Variants in CDPF1 observed in about 807,000 individuals in gnomAD.
The protein encoded by CDPF1 is cysteine-rich DPF motif domain-containing protein 1.
A neutral mutation model predicts 8.3 loss-of-function variants in CDPF1; 8 were observed. The observed-to-expected ratio is 0.96, with a 90% confidence interval of 0.57 to 1.74. The LOEUF (loss-of-function observed/expected upper bound fraction) is 1.74. Among genes scored for constraint, CDPF1 ranks in the 40% most tolerant of loss-of-function variants. The pLI, the probability that CDPF1 is intolerant of heterozygous loss-of-function variation, is 0.00. For synonymous variants in CDPF1, 62 were observed against 62.9 expected, an observed-to-expected ratio of 0.99 and a Z score of 0.07; for missense variants, 151 against 155.3, an observed-to-expected ratio of 0.97 and a Z score of 0.15.
Position 46,248,295 on chromosome 22 carries a change from A to T in CDPF1, c.1-11T>A. On this transcript the variant is annotated splice_polypyrimidine_tract_variant and intron_variant, in intron 1 of 3. Transcript: ENST00000314567. The surrounding 1 kb of genome is among the most constrained non-coding windows in gnomAD (Gnocchi z 4.1). The stretch of plus-strand genomic sequence containing the variant: ...TACATGGGACGCCATCTGCAAGATC[A>T]AGAGATGGGGTGTCCCTGGGTCACA... The T allele has an allele frequency of 6.4e-7, 1 of 1,566,670 alleles. No individual in the cohort carries two copies. Among genetic ancestry groups the T allele is most frequent in the South Asian group, 1.1e-5 (1 of 89,566 alleles).
chr22:46,245,308 G>A lies in CDPF1; in HGVS notation c.226-70C>T. On this transcript the variant is annotated intron_variant, in intron 3 of 3. Transcript: ENST00000314567. This position sits in a 1 kb window ranked among gnomAD's most constrained non-coding sequence, Gnocchi z 6.9. ...ATGGTGCAGCTCCTCCCAGGGGCCA[G>A]CCCTTCCCACACTTGGGGGGCTGGG... The A allele has an allele frequency of 6.4e-7, 1 of 1,555,386 alleles. No homozygotes were observed. The highest frequency in any genetic ancestry group is 1.4e-5 in the African/African-American group (1 of 73,660).
In CDPF1 at chr22:46,244,967, T is replaced by A; in HGVS notation, c.*125A>T. The A allele has an allele frequency of 4.7e-6, 6 of 1,266,762 alleles. No individual in the cohort carries two copies. The highest frequency in any genetic ancestry group is 6.6e-6 in the Non-Finnish European group (6 of 910,806). 78.5% of individuals were successfully genotyped at this position (1,266,762 alleles called of 1,614,324 possible). The stretch of plus-strand genomic sequence containing the variant: ...GGACTCCAGCTCCCCTGGGCTGCAG[T>A]GCTGCTCCCAGTGGTCCAGAAACAA... On this transcript the variant is annotated 3_prime_UTR_variant, in exon 4 of 4. Transcript: ENST00000314567. This position sits in a 1 kb window ranked among gnomAD's most constrained non-coding sequence, Gnocchi z 6.7.
rs899066590 is a variant in CDPF1 at position 46,247,565 on chromosome 22, C to T, written c.114-344G>A. On this transcript the variant is annotated intron_variant, in intron 2 of 3. Coordinates refer to ENST00000314567, the MANE Select transcript of CDPF1 (RefSeq NM_207327.5). This position sits in a 1 kb window ranked among gnomAD's most constrained non-coding sequence, Gnocchi z 4.3. ...GGGGCACAAGGCTGCCACCTGAATA[C>T]CCCAGGCCTCCCTACACCCCAAGCC... 3.3e-5 allele frequency among the ~76,000 whole-genome samples: 5 copies of T among 152,148 alleles called. No individual in the cohort carries two copies. Among genetic ancestry groups the T allele is most frequent in the South Asian group, 2.1e-4 (1 of 4,802 alleles).
In CDPF1 at chr22:46,247,108, A is replaced by C. The variant is rs773547172; in HGVS notation, c.225+2T>G. 6.2e-7 allele frequency: 1 copy of C among 1,610,830 alleles called. No homozygotes were observed. Among genetic ancestry groups the C allele is most frequent in the African/African-American group, 1.3e-5 (1 of 74,824 alleles). On this transcript the variant is annotated splice_donor_variant, in intron 3 of 3. Coordinates refer to ENST00000314567, the MANE Select transcript of CDPF1 (RefSeq NM_207327.5). LOFTEE classifies it high-confidence loss of function. The surrounding 1 kb of genome is among the most constrained non-coding windows in gnomAD (Gnocchi z 4.3). The stretch of plus-strand genomic sequence containing the variant: ...TGGCCCCAGCCCACGCTGCTTACCC[A>C]CCGGGCCCACACACACCAGCCTGCT...
At position 46,249,773 on chromosome 22, in the gene CDPF1, G is replaced by C. The variant is rs970410046; in HGVS notation, c.-1+483C>G. Among the ~76,000 whole-genome samples, 1 of 149,484 alleles carries C rather than the reference G, an allele frequency of 6.7e-6. No homozygotes were observed. Among genetic ancestry groups the C allele is most frequent in the Non-Finnish European group, 1.5e-5 (1 of 67,312 alleles). On this transcript the variant is annotated intron_variant, in intron 1 of 3. Coordinates refer to ENST00000314567, the MANE Select transcript of CDPF1 (RefSeq NM_207327.5). This position sits in a 1 kb window ranked among gnomAD's most constrained non-coding sequence, Gnocchi z 4.6. The stretch of plus-strand genomic sequence containing the variant: ...CGCTTGAGCGGGGGGTTGGGGAGCG[G>C]GGGCTGGGGGGGCGGAGGTTGCGGT...
rs1255454248 is a variant in CDPF1 at position 46,249,455 on chromosome 22, C to G, written c.-1+801G>C. Among the ~76,000 whole-genome samples, 1 of 152,076 alleles carries G rather than the reference C, an allele frequency of 6.6e-6. No homozygotes were observed. The highest frequency in any genetic ancestry group is 1.5e-5 in the Non-Finnish European group (1 of 68,008). On this transcript the variant is annotated intron_variant, in intron 1 of 3. Transcript: ENST00000314567. This position sits in a 1 kb window ranked among gnomAD's most constrained non-coding sequence, Gnocchi z 4.6. ...CCTGAGGTCAGGAGTTCAAGACCAA[C>G]CTAGCCAACATGGCGAAACCCCATC...
Position 46,244,966 on chromosome 22 carries a change from G to T in CDPF1, c.*126C>A. ...TGGACTCCAGCTCCCCTGGGCTGCA[G>T]TGCTGCTCCCAGTGGTCCAGAAACA... On this transcript the variant is annotated 3_prime_UTR_variant, in exon 4 of 4. Coordinates refer to ENST00000314567, the MANE Select transcript of CDPF1 (RefSeq NM_207327.5). The surrounding 1 kb of genome is among the most constrained non-coding windows in gnomAD (Gnocchi z 6.7). The T allele has an allele frequency of 7.9e-7, 1 of 1,263,262 alleles. No homozygotes were observed. The highest frequency in any genetic ancestry group is 1.1e-6 in the Non-Finnish European group (1 of 908,100). The allele number at this position is 1,263,262 out of a possible 1,614,324, so 78.3% of individuals were successfully genotyped here.
chr22:46,247,043 T>C lies in CDPF1; in HGVS notation c.225+67A>G. On this transcript the variant is annotated intron_variant, in intron 3 of 3. Transcript: ENST00000314567. This position sits in a 1 kb window ranked among gnomAD's most constrained non-coding sequence, Gnocchi z 4.3. ...CTGCTCCCTCTCTCCCAGCCCTCCCTACCCAGGGAGAGCTCCAGGATAACC... is the reference window on the plus strand; with the variant it reads ...CTGCTCCCTCTCTCCCAGCCCTCCCCACCCAGGGAGAGCTCCAGGATAACC... 2 of 1,408,090 alleles carry C rather than the reference T, an allele frequency of 1.4e-6. No individual in the cohort carries two copies. Among genetic ancestry groups the C allele is most frequent in the Non-Finnish European group, 2.0e-6 (2 of 1,008,392 alleles). 87.2% of individuals were successfully genotyped at this position (1,408,090 alleles called of 1,614,324 possible).
Position 46,246,533 on chromosome 22 carries a change from TG to T in CDPF1, c.225+576del. 2 of 1,031,624 alleles carry T rather than the reference TG, an allele frequency of 1.9e-6. No individual in the cohort carries two copies. The highest frequency in any genetic ancestry group is 2.8e-6 in the Non-Finnish European group (2 of 713,542). 63.9% of individuals were successfully genotyped at this position (1,031,624 alleles called of 1,614,324 possible). A position where few individuals can be genotyped will look rare whatever the true frequency, so the allele number is the denominator to read the frequency against. On this transcript the variant is annotated intron_variant, in intron 3 of 3. Coordinates refer to ENST00000314567, the MANE Select transcript of CDPF1 (RefSeq NM_207327.5). The surrounding 1 kb of genome is among the most constrained non-coding windows in gnomAD (Gnocchi z 7.1). ...GACTCTGGGGTCACTCTGAGTACACTGGGCACGCTGTGAAAGCCATGCTGCT... is the reference window on the plus strand; with the variant it reads ...GACTCTGGGGTCACTCTGAGTACACTGGCACGCTGTGAAAGCCATGCTGCT...
At position 46,248,748 on chromosome 22, in the gene CDPF1, C is replaced by T. The variant is rs1304303657; in HGVS notation, c.1-464G>A. 6.6e-6 allele frequency among the ~76,000 whole-genome samples: 1 copy of T among 152,206 alleles called. No individual in the cohort carries two copies. Among genetic ancestry groups the T allele is most frequent in the Non-Finnish European group, 1.5e-5 (1 of 68,038 alleles). ...TTAGAACTGTTTTCTTGGCCAGGCG[C>T]AGTGGCTCATGCCTGTAATCCCAGC... On this transcript the variant is annotated intron_variant, in intron 1 of 3. Transcript: ENST00000314567. This position sits in a 1 kb window ranked among gnomAD's most constrained non-coding sequence, Gnocchi z 4.1.
rs1372034931 is a variant in CDPF1, at chr22:46,245,506, C to T, written c.226-268G>A. 1.3e-5 allele frequency among the ~76,000 whole-genome samples: 2 copies of T among 152,186 alleles called. No individual in the cohort carries two copies. Among genetic ancestry groups the T allele is most frequent in the Non-Finnish European group, 2.9e-5 (2 of 68,022 alleles). ...AAAGACTCTGGGGCCTGCTCTGCTC[C>T]ATCACGGGGCAGTGACAACAATGGA... On this transcript the variant is annotated intron_variant, in intron 3 of 3. Transcript: ENST00000314567. This position sits in a 1 kb window ranked among gnomAD's most constrained non-coding sequence, Gnocchi z 6.9.
rs1022668493 is a variant in CDPF1, at chr22:46,247,634, A to C, written c.114-413T>G. On this transcript the variant is annotated intron_variant, in intron 2 of 3. Transcript: ENST00000314567. The surrounding 1 kb of genome is among the most constrained non-coding windows in gnomAD (Gnocchi z 4.3). Reference sequence around the variant, plus strand: ...GAAGCCAGCTGGCCTCATGCTACACATCAGAATGAGACCCCAGGGTGACAT... The same window carrying C: ...GAAGCCAGCTGGCCTCATGCTACACCTCAGAATGAGACCCCAGGGTGACAT... Among the ~76,000 whole-genome samples, 1 of 151,952 alleles carries C rather than the reference A, an allele frequency of 6.6e-6. No individual in the cohort carries two copies. Among genetic ancestry groups the C allele is most frequent in the African/African-American group, 2.4e-5 (1 of 41,370 alleles).
chr22:46,249,220 G>A lies in CDPF1; in HGVS notation c.1-936C>T, dbSNP rs771569194. On this transcript the variant is annotated intron_variant, in intron 1 of 3. Coordinates refer to ENST00000314567, the MANE Select transcript of CDPF1 (RefSeq NM_207327.5). This position sits in a 1 kb window ranked among gnomAD's most constrained non-coding sequence, Gnocchi z 4.6. ...GGAATCAAGTACGACATTATCAGCTGGCCCCTAGCTCTTGGCTGTGACCTC... is the reference window on the plus strand; with the variant it reads ...GGAATCAAGTACGACATTATCAGCTAGCCCCTAGCTCTTGGCTGTGACCTC... 3.9e-4 allele frequency among the ~76,000 whole-genome samples: 60 copies of A among 152,198 alleles called. No individual in the cohort carries two copies. Among genetic ancestry groups the A allele is most frequent in the Non-Finnish European group, 6.9e-4 (47 of 68,016 alleles).
At position 46,245,040 on chromosome 22, in the gene CDPF1, G is replaced by A; in HGVS notation, c.*52C>T. ...CTCAGCAGCATCCCTGGCGCAGGCT[G>A]GCCCAGGAGCTCTGTGCAGGGTGCC... On this transcript the variant is annotated 3_prime_UTR_variant, in exon 4 of 4. Transcript: ENST00000314567. The surrounding 1 kb of genome is among the most constrained non-coding windows in gnomAD (Gnocchi z 6.9). 6.3e-7 allele frequency: 1 copy of A among 1,599,946 alleles called. No homozygotes were observed. Among genetic ancestry groups the A allele is most frequent in the Non-Finnish European group, 8.5e-7 (1 of 1,172,080 alleles).
rs1936518566 is a variant in CDPF1 at position 46,248,059 on chromosome 22, G to C, written c.113+113C>G. ...ACCAGAAGCATTCAGAGCCTGGCCA[G>C]GGTGGGGTCTAAAGCTCCACACCTG... On this transcript the variant is annotated intron_variant, in intron 2 of 3. Transcript: ENST00000314567. The surrounding 1 kb of genome is among the most constrained non-coding windows in gnomAD (Gnocchi z 4.1). The C allele has an allele frequency of 4.6e-6, 3 of 656,664 alleles. No individual in the cohort carries two copies. Among genetic ancestry groups the C allele is most frequent in the Non-Finnish European group, 5.3e-6 (2 of 379,546 alleles). The allele number at this position is 656,664 out of a possible 1,614,324, so 40.7% of individuals were successfully genotyped here. A position where few individuals can be genotyped will look rare whatever the true frequency, so the allele number is the denominator to read the frequency against.
Position 46,249,707 on chromosome 22 carries a change from G to A in CDPF1, c.-1+549C>T, listed in dbSNP as rs1233566177. Among the ~76,000 whole-genome samples, 1 of 135,694 alleles carries A rather than the reference G, an allele frequency of 7.4e-6. No individual in the cohort carries two copies. Among genetic ancestry groups the A allele is most frequent in the Non-Finnish European group, 1.5e-5 (1 of 65,098 alleles). The allele number at this position is 135,694 out of a possible 152,430, so 89.0% of individuals were successfully genotyped here. Reference sequence around the variant, plus strand: ...ATATTAGCCGGGCGTGGGGGCGGGCGCCTCTAATCTCATCTACTCAGGAGA... The same window carrying A: ...ATATTAGCCGGGCGTGGGGGCGGGCACCTCTAATCTCATCTACTCAGGAGA... On this transcript the variant is annotated intron_variant, in intron 1 of 3. Coordinates refer to ENST00000314567, the MANE Select transcript of CDPF1 (RefSeq NM_207327.5). The surrounding 1 kb of genome is among the most constrained non-coding windows in gnomAD (Gnocchi z 4.6).
At position 46,246,533 on chromosome 22, in the gene CDPF1, T is replaced by G; in HGVS notation, c.225+577A>C. The G allele has an allele frequency of 9.7e-7, 1 of 1,031,626 alleles. No homozygotes were observed. Among genetic ancestry groups the G allele is most frequent in the East Asian group, 2.6e-5 (1 of 37,928 alleles). 63.9% of individuals were successfully genotyped at this position (1,031,626 alleles called of 1,614,324 possible). ...GACTCTGGGGTCACTCTGAGTACAC[T>G]GGGCACGCTGTGAAAGCCATGCTGC... is the stretch of plus-strand genomic sequence containing the variant. On this transcript the variant is annotated intron_variant, in intron 3 of 3. Coordinates refer to ENST00000314567, the MANE Select transcript of CDPF1 (RefSeq NM_207327.5). The surrounding 1 kb of genome is among the most constrained non-coding windows in gnomAD (Gnocchi z 7.1).
At position 46,246,467 on chromosome 22, in the gene CDPF1, T is replaced by C. The variant is rs1480670808; in HGVS notation, c.225+643A>G. 6.6e-6 allele frequency among the ~76,000 whole-genome samples: 1 copy of C among 152,114 alleles called. No individual in the cohort carries two copies. Among genetic ancestry groups the C allele is most frequent in the Non-Finnish European group, 1.5e-5 (1 of 68,008 alleles). On this transcript the variant is annotated intron_variant, in intron 3 of 3. Coordinates refer to ENST00000314567, the MANE Select transcript of CDPF1 (RefSeq NM_207327.5). This position sits in a 1 kb window ranked among gnomAD's most constrained non-coding sequence, Gnocchi z 7.1. ...CCCTGGCTATTGATACAGCTCCCCT[T>C]TGTGTGTGTCAACCTGTGGCAGATG...
In CDPF1 at chr22:46,249,741, G is replaced by T. The variant is rs1320923223; in HGVS notation, c.-1+515C>A. ...CTCATCTACTCAGGAGACTGAGGTA[G>T]GAGAATCGCTTGAGCGGGGGGTTGG... is the stretch of plus-strand genomic sequence containing the variant. On this transcript the variant is annotated intron_variant, in intron 1 of 3. Transcript: ENST00000314567. This position sits in a 1 kb window ranked among gnomAD's most constrained non-coding sequence, Gnocchi z 4.6. Among the ~76,000 whole-genome samples the T allele has an allele frequency of 6.7e-6, 1 of 149,962 alleles. No homozygotes were observed. Among genetic ancestry groups the T allele is most frequent in the Non-Finnish European group, 1.5e-5 (1 of 67,314 alleles).
Sources: gnomAD v4.1 joint callset for allele counts (sites outside exome capture counted in the v4.1 genomes callset) on GRCh38, gnomAD v4.1.1 for gene constraint, Gnocchi (gnomAD v3.1) non-coding constraint, MANE v1.5 for transcripts, NCBI Gene and HGNC (gene_info 2026-07-23, HGNC 2026-07-21) for gene names.